The following WNK2 variants were observed in gnomAD, a reference collection of about 807,000 sequenced individuals.
WNK2 encodes serine/threonine-protein kinase WNK2.
Under a neutral mutation model 192.1 loss-of-function variants are expected in WNK2, and 67 were observed. That is an observed-to-expected ratio of 0.35 (90% CI 0.29 to 0.43). WNK2 has a LOEUF of 0.43. WNK2 is among the 20% of genes least tolerant of loss of function. The pLI is 1.00. For missense variants in WNK2, 2,698 were observed against 3,089.7 expected, an observed-to-expected ratio of 0.87 and a Z score of 3.01; for synonymous variants, 1,439 against 1,393.9, an observed-to-expected ratio of 1.03 and a Z score of -0.72.
intron 29 of WNK2, chr9:93,318,999 G>A (rs1359643539): frequency 3.3e-6 from 5 of 1,506,900 alleles, no homozygotes; most frequent in Non-Finnish European, 3.5e-6. Flanking sequence ...AGGTGATTAT[G>A]CAGAATCTTC....
At position 93,267,728 on chromosome 9, in the gene WNK2, C is replaced by A; in HGVS notation, c.3697-18C>A. On this transcript the variant is annotated intron_variant, in intron 16 of 29. Transcript: ENST00000427277. ...TGGCCTTGCAGCTGGTCCTCACTGG[C>A]AGTATGTCCCTTTGCAGGTGGAGCA... 1 of 1,558,216 alleles carries A rather than the reference C, an allele frequency of 6.4e-7. No homozygotes were observed. The highest frequency in any genetic ancestry group is 2.3e-5 in the East Asian group (1 of 42,566).
At chr9:93,317,737 T>G in intron 29 of WNK2, 106 bp downstream of exon 29, 1 of 1,482,068 alleles carries the variant, frequency 6.7e-7, no homozygotes, top group Non-Finnish European at 9.2e-7. Flanking sequence ...GCAGGCCAGG[T>G]GGGCCAGCTG....
rs1830644870 is a variant in WNK2 at position 93,193,232 on chromosome 9, C to A, written c.681+7622C>A. The stretch of plus-strand genomic sequence containing the variant: ...ACAAAATACCCCAGGGGTAGGAGGG[C>A]CCTGCCATGTTCCCAGTGCGTGGCC... On this transcript the variant is annotated intron_variant, in intron 2 of 29. Coordinates refer to ENST00000427277, the MANE Select transcript of WNK2 (RefSeq NM_006648.4). Among the ~76,000 whole-genome samples the A allele has an allele frequency of 3.9e-5, 6 of 152,172 alleles. No individual in the cohort carries two copies. The South Asian group carries it at 1.2e-3, about 32-fold the overall frequency.
intron 12 of WNK2, among the ~76,000 whole-genome samples, chr9:93,260,014 G>A (rs1843961074): frequency 6.6e-6 from 1 of 152,148 alleles, no homozygotes; most frequent in Non-Finnish European, 1.5e-5. Flanking sequence ...ATGAGGCAGG[G>A]TGACAACCCC....
Position 93,254,144 on chromosome 9 carries a change from G to A in WNK2, c.2034+1062G>A, listed in dbSNP as rs574858351. Among the ~76,000 whole-genome samples, 4 of 152,100 alleles carry A rather than the reference G, an allele frequency of 2.6e-5. No individual in the cohort carries two copies. The South Asian group carries it at 6.2e-4, about 24-fold the overall frequency. On this transcript the variant is annotated intron_variant, in intron 9 of 29. Coordinates refer to ENST00000427277, the MANE Select transcript of WNK2 (RefSeq NM_006648.4). ...GTTGGCCAGCCTGGTCTCGAACTCC[G>A]GACCTCAGGTGATCCTCCCTCCTCA...
chr9:93,203,287 G>A (rs1408859319), intron 2 of WNK2, among the ~76,000 whole-genome samples: 2 of 152,292 alleles, frequency 1.3e-5, no homozygotes, highest in East Asian at 3.9e-4. Context: ...ATGGCAGTCA[G>A]GACCATGGCT....
rs553031519 is a variant in WNK2 at position 93,261,790 on chromosome 9, G to A, written c.3067-24G>A. On this transcript the variant is annotated intron_variant, in intron 12 of 29. Transcript: ENST00000427277. ...GTGAAGGCAGCGCCGGCCCTGACTT[G>A]CACCTTGTCCCCTGTGCCCCCAGAT... is the stretch of plus-strand genomic sequence containing the variant. 3.2e-6 allele frequency: 5 copies of A among 1,573,140 alleles called. No individual in the cohort carries two copies. In the East Asian group the frequency reaches 9.0e-5, roughly 28 times the overall value.
intron 4 of WNK2, among the ~76,000 whole-genome samples, chr9:93,234,341 T>C (rs1839439207): frequency 6.6e-6 from 1 of 152,224 alleles, no homozygotes; most frequent in Non-Finnish European, 1.5e-5. Context: ...GTACCCAGCC[T>C]TTCCCCACTT....
At chr9:93,233,058 C>T (rs1358788443) in intron 4 of WNK2, among the ~76,000 whole-genome samples, 5 of 151,550 alleles carry the variant, frequency 3.3e-5, no homozygotes, top group South Asian at 2.1e-4. Flanking sequence ...GAAATTGGCC[C>T]GGCATGGTGA....
At chr9:93,280,251 A>T (rs1034873225) in intron 19 of WNK2, among the ~76,000 whole-genome samples, 3 of 152,212 alleles carry the variant, frequency 2.0e-5, no homozygotes, top group African/African-American at 7.2e-5. Flanking sequence ...TTCACCAAAG[A>T]TATGTGGATG....
intron 19 of WNK2, among the ~76,000 whole-genome samples, chr9:93,286,185 A>C (rs6479472): frequency 0.96 from 146,258 of 152,286 alleles, 70,234 homozygotes; most frequent in East Asian, 1. Context: ...GTATTAAAAT[A>C]AAAAACTATT....
rs544390688 is a variant in WNK2, at chr9:93,257,842, T to C, written c.2382+703T>C. Among the ~76,000 whole-genome samples, 9 of 152,310 alleles carry C rather than the reference T, an allele frequency of 5.9e-5. No individual in the cohort carries two copies. The highest frequency in any genetic ancestry group is 1.0e-4 in the Non-Finnish European group (7 of 68,022). ...CTTTCACTCGAGGGACCTGACTGCA[T>C]GTAACTGGTGCAGAATGTAGCCGGG... On this transcript the variant is annotated intron_variant, in intron 11 of 29. Coordinates refer to ENST00000427277, the MANE Select transcript of WNK2 (RefSeq NM_006648.4). This position sits in a 1 kb window ranked among gnomAD's most constrained non-coding sequence, Gnocchi z 4.7.
intron 2 of WNK2, among the ~76,000 whole-genome samples, chr9:93,199,362 T>C (rs933870132): frequency 2.4e-4 from 37 of 152,138 alleles, no homozygotes; most frequent in African/African-American, 8.5e-4. Context: ...CCTGCCCAGG[T>C]TGGTGACTCT....
rs754625547 is a variant in WNK2, at chr9:93,292,886, C to T, written c.5421C>T (p.Ser1807=). 32 of 1,513,778 alleles carry T rather than the reference C, an allele frequency of 2.1e-5. No homozygotes were observed. Among genetic ancestry groups the T allele is most frequent in the South Asian group, 7.6e-5 (6 of 78,446 alleles). 93.8% of individuals were successfully genotyped at this position (1,513,778 alleles called of 1,614,324 possible). A position where few individuals can be genotyped will look rare whatever the true frequency, so the allele number is the denominator to read the frequency against. ...IEVGVGEPVS[S]DSGDEGPRAR... is the part of the protein sequence containing the mutation. ...TCGGCGTGGGCGAGCCCGTGTCCAG[C>T]GACTCTGGGGACGAGGGCCCTCGGG... Residue 1807 remains serine, a synonymous_variant, in exon 23 of 30, where the codon AGC becomes AGT. Coordinates refer to ENST00000427277, the MANE Select transcript of WNK2 (RefSeq NM_006648.4).
chr9:93,204,292 G>A (rs1271307307), intron 2 of WNK2, among the ~76,000 whole-genome samples: 1 of 152,174 alleles, frequency 6.6e-6, no homozygotes, highest in Non-Finnish European at 1.5e-5. Flanking sequence ...ATTTCTGCTG[G>A]GGAGGCAGAC....
chr9:93,271,893 T>C (rs1274314603), intron 19 of WNK2, among the ~76,000 whole-genome samples: 1 of 152,232 alleles, frequency 6.6e-6, no homozygotes, highest in Non-Finnish European at 1.5e-5. Context: ...AATTATGCAT[T>C]ACCTAGATTG....
At chr9:93,241,674 T>C (rs994614236) in intron 7 of WNK2, among the ~76,000 whole-genome samples, 9 of 152,154 alleles carry the variant, frequency 5.9e-5, no homozygotes, top group Non-Finnish European at 1.5e-5. Flanking sequence ...TGGAAGGTGC[T>C]TGGGCCCTTG....
chr9:93,259,157 C>A lies in WNK2; in HGVS notation c.2609C>A (p.Ala870Asp). 6.2e-7 allele frequency: 1 copy of A among 1,612,324 alleles called. No individual in the cohort carries two copies. Among genetic ancestry groups the A allele is most frequent in the Non-Finnish European group, 8.5e-7 (1 of 1,179,588 alleles). The change falls in exon 12 of 30, where the codon GCC (alanine) becomes GAC (aspartate). Residue 870 changes from alanine (A) to aspartate (D), a missense_variant. Physicochemically the swap from Ala to Asp is moderately radical, Grantham distance 126. Transcript: ENST00000427277. The surrounding 1 kb of genome is among the most constrained non-coding windows in gnomAD (Gnocchi z 4.8). ...KLPHPPGAPL[A>D]MPCRTIVPNA... The stretch of plus-strand genomic sequence containing the variant: ...CCCCACCCCCCTGGGGCGCCCCTGG[C>A]CATGCCCTGCCGGACCATTGTGCCA...
At chr9:93,267,152 G>A (rs566365581) in intron 16 of WNK2, 88 of 152,592 alleles carry the variant, frequency 5.8e-4, no homozygotes, top group Admixed American at 9.8e-4. Context: ...GGAGCTGCTC[G>A]TTGGACATCA....
Sources: gnomAD v4.1 joint callset for allele counts (sites outside exome capture counted in the v4.1 genomes callset) on GRCh38, gnomAD v4.1.1 for gene constraint, Gnocchi (gnomAD v3.1) non-coding constraint, MANE v1.5 for transcripts, NCBI Gene and HGNC (gene_info 2026-07-23, HGNC 2026-07-21) for gene names.